MAST2: variants seen among roughly 807,000 people sequenced by gnomAD.
MAST2 encodes the protein microtubule associated serine/threonine kinase 2.
In MAST2, 70 loss-of-function variants were observed where a neutral mutation model predicts 147.4. That is an observed-to-expected ratio of 0.47 (90% CI 0.39 to 0.58). The LOEUF (loss-of-function observed/expected upper bound fraction) is 0.58, where lower values mean the gene tolerates loss of function less well. MAST2 is among the 20% of genes least tolerant of loss of function. The probability of loss-of-function intolerance (pLI) is 0.00; values close to 1 mark genes in which losing one functional copy is unlikely to be tolerated. For missense variants in MAST2, 2,080 were observed against 2,302.3 expected (o/e 0.90, Z 1.98); for synonymous variants, 869 against 896.8 (o/e 0.97, Z 0.55).
intron 4 of MAST2, among the ~76,000 whole-genome samples, chr1:45,934,721 C>A (rs1438803487): frequency 1.3e-5 from 2 of 152,164 alleles, no homozygotes; most frequent in African/African-American, 4.8e-5. Context: ...CTGTGCCCGG[C>A]CAATTTCATT....
At chr1:45,863,119 A>G (rs911094730) in intron 3 of MAST2, among the ~76,000 whole-genome samples, 2 of 152,178 alleles carry the variant, frequency 1.3e-5, no homozygotes, top group African/African-American at 2.4e-5. Flanking sequence ...GTAAATGAAT[A>G]AAGAGTTTGA....
In MAST2 at chr1:46,023,247, T is replaced by C; in HGVS notation, c.1500T>C (p.Ser500=). 6.2e-7 allele frequency: 1 copy of C among 1,614,140 alleles called. No homozygotes were observed. The highest frequency in any genetic ancestry group is 8.5e-7 in the Non-Finnish European group (1 of 1,179,972). The change falls in exon 14 of 29, where the codon TCT becomes TCC. Residue 500 remains serine, a synonymous_variant. Coordinates refer to ENST00000361297, the MANE Select transcript of MAST2 (RefSeq NM_015112.3). The surrounding 1 kb of genome is among the most constrained non-coding windows in gnomAD (Gnocchi z 4.9). ...TTGTCTTCCAGGGCCATGGGGCATC[T>C]CTGCCATCTAAAAAGACACCCTCTG... ...TDDSIEGHGA[S]LPSKKTPSEE...
intron 11 of MAST2, among the ~76,000 whole-genome samples, chr1:46,020,689 C>T (rs1296556264): frequency 6.6e-6 from 1 of 152,118 alleles, no homozygotes; most frequent in East Asian, 1.9e-4. Flanking sequence ...GAAGTCAGTC[C>T]TCTCTTCCTC....
intron 26 of MAST2, 28 bp from the exon 27 acceptor site, chr1:46,033,774 A>G (rs1646778709): frequency 6.2e-7 from 1 of 1,607,078 alleles, no homozygotes; most frequent in South Asian, 1.1e-5. Flanking sequence ...GCTCCAGCTT[A>G]GCCTAGGCCT....
chr1:45,873,467 G>A (rs1317920490), intron 3 of MAST2, among the ~76,000 whole-genome samples: 1 of 151,758 alleles, frequency 6.6e-6, no homozygotes, highest in Non-Finnish European at 1.5e-5. Context: ...CAAAGTGCTG[G>A]GATTACAGGT....
At chr1:45,829,857 T>G (rs1323784086) in intron 3 of MAST2, among the ~76,000 whole-genome samples, 1 of 151,808 alleles carries the variant, frequency 6.6e-6, no homozygotes, top group Non-Finnish European at 1.5e-5. Context: ...AGGCTAAGAA[T>G]GAAATTTTTT....
chr1:46,008,723 C>A (rs1245911863), intron 9 of MAST2, among the ~76,000 whole-genome samples: 1 of 152,218 alleles, frequency 6.6e-6, no homozygotes, highest in African/African-American at 2.4e-5. Context: ...ACATGAGGAT[C>A]CATGAGTCAG....
chr1:45,936,134 G>A (rs1160532624), intron 4 of MAST2, among the ~76,000 whole-genome samples: 1 of 152,062 alleles, frequency 6.6e-6, no homozygotes, highest in Non-Finnish European at 1.5e-5. Context: ...ATATTCTTAG[G>A]TATTTTATTC....
intron 4 of MAST2, among the ~76,000 whole-genome samples, chr1:45,956,671 C>T (rs1188986134): frequency 6.6e-6 from 1 of 152,218 alleles, no homozygotes; most frequent in Non-Finnish European, 1.5e-5. Flanking sequence ...ACTTGCAAAT[C>T]AGTGAGTCCT....
chr1:45,923,516 A>G (rs1653876010), intron 4 of MAST2, among the ~76,000 whole-genome samples: 1 of 152,194 alleles, frequency 6.6e-6, no homozygotes, highest in Non-Finnish European at 1.5e-5. Context: ...CAGTTCTGTG[A>G]GAGAGATTAT....
At chr1:45,998,227 G>A (rs1645134948) in intron 6 of MAST2, among the ~76,000 whole-genome samples, 1 of 152,222 alleles carries the variant, frequency 6.6e-6, no homozygotes, top group East Asian at 1.9e-4. Flanking sequence ...GTTTAAAGCA[G>A]CTGAAAGGGC....
intron 5 of MAST2, among the ~76,000 whole-genome samples, chr1:45,963,301 A>G (rs887816849): frequency 2.0e-5 from 3 of 152,238 alleles, no homozygotes; most frequent in African/African-American, 7.2e-5. Flanking sequence ...TTCTGTGAAG[A>G]AAGTCCCTGG....
intron 5 of MAST2, among the ~76,000 whole-genome samples, chr1:45,967,871 C>T (rs1343635951): frequency 6.6e-6 from 1 of 152,180 alleles, no homozygotes; most frequent in Non-Finnish European, 1.5e-5. Flanking sequence ...CTCTTCAGTA[C>T]CTTGTAATTT....
chr1:46,031,734 G>T lies in MAST2; in HGVS notation c.3187+149G>T. 1 of 802,896 alleles carries T rather than the reference G, an allele frequency of 1.2e-6. No homozygotes were observed. The highest frequency in any genetic ancestry group is 1.8e-5 in the South Asian group (1 of 54,492). The allele number at this position is 802,896 out of a possible 1,614,324, so 49.7% of individuals were successfully genotyped here. A position where few individuals can be genotyped will look rare whatever the true frequency, so the allele number is the denominator to read the frequency against. ...CTGAAGGTGTGTATTGGTGTCTGGGGTTGTGTATACATGTGCCAGAAAGCA... is the reference window on the plus strand; with the variant it reads ...CTGAAGGTGTGTATTGGTGTCTGGGTTTGTGTATACATGTGCCAGAAAGCA... On this transcript the variant is annotated intron_variant, in intron 24 of 28. Coordinates refer to ENST00000361297, the MANE Select transcript of MAST2 (RefSeq NM_015112.3). This position sits in a 1 kb window ranked among gnomAD's most constrained non-coding sequence, Gnocchi z 4.1.
At chr1:45,837,838 G>A (rs139832967) in intron 3 of MAST2, among the ~76,000 whole-genome samples, 2 of 152,236 alleles carry the variant, frequency 1.3e-5, no homozygotes, top group Admixed American at 1.3e-4. Context: ...AAGTGCCGTG[G>A]CACAATCTCG....
At chr1:45,819,145 T>A (rs973653912) in intron 1 of MAST2, among the ~76,000 whole-genome samples, 1 of 150,858 alleles carries the variant, frequency 6.6e-6, no homozygotes, top group African/African-American at 2.4e-5. Flanking sequence ...CCCAGCTACT[T>A]GGGAGGCTGA....
intron 15 of MAST2, among the ~76,000 whole-genome samples, chr1:46,024,958 G>A (rs1054607888): frequency 1.3e-5 from 2 of 152,202 alleles, no homozygotes; most frequent in Non-Finnish European, 2.9e-5. Context: ...CATGGCAGAA[G>A]GTGAAAGGCA....
At chr1:45,972,033 G>C (rs1557985694) in intron 5 of MAST2, among the ~76,000 whole-genome samples, 1 of 152,248 alleles carries the variant, frequency 6.6e-6, no homozygotes, top group Non-Finnish European at 1.5e-5. Flanking sequence ...TCAAGCTCAA[G>C]CCCTAGTGTC....
chr1:45,815,455 C>T (rs1186769536), intron 1 of MAST2, among the ~76,000 whole-genome samples: 1 of 152,120 alleles, frequency 6.6e-6, no homozygotes, highest in African/African-American at 2.4e-5. Context: ...CAGGTGTGAG[C>T]CACCGTGACT....
Sources: allele counts gnomAD v4.1 joint callset (sites outside exome capture counted in the v4.1 genomes callset), GRCh38; gene constraint gnomAD v4.1.1; non-coding constraint Gnocchi (gnomAD v3.1); transcripts MANE v1.5; gene names NCBI Gene and HGNC (gene_info 2026-07-23, HGNC 2026-07-21).